The following TSHZ1 variants were observed in gnomAD, a reference collection of about 807,000 sequenced individuals.
TSHZ1 encodes the protein teashirt homolog 1.
Under a neutral mutation model 67.1 loss-of-function variants are expected in TSHZ1, and 12 were observed. The observed-to-expected ratio is 0.18, with a 90% confidence interval of 0.11 to 0.29. TSHZ1 has a LOEUF of 0.29. Among genes scored for constraint, TSHZ1 ranks in the 10% least tolerant of loss-of-function variants. The pLI is 1.00. For missense variants in TSHZ1, 1,305 were observed against 1,413.9 expected (o/e 0.92, Z 1.23); for synonymous variants, 632 against 622.4 (o/e 1.02, Z -0.23).
rs2023763233 is a variant in TSHZ1, at chr18:75,286,343, T to C, written c.936T>C (p.Cys312=). Residue 312 remains cysteine (C), a synonymous_variant, in exon 2 of 2, where the codon TGT becomes TGC. Transcript: ENST00000580243. The surrounding 1 kb of genome is among the most constrained non-coding windows in gnomAD (Gnocchi z 5.1). ...DAQKVLKCMY[C]GHSFESLQDL... is the part of the protein sequence containing the mutation. ...AGAAGGTGCTGAAGTGCATGTACTG[T>C]GGACACTCCTTTGAGTCCTTGCAGG... The C allele has an allele frequency of 6.2e-7, 1 of 1,613,978 alleles. No homozygotes were observed. Among genetic ancestry groups the C allele is most frequent in the African/African-American group, 1.3e-5 (1 of 74,904 alleles).
At chr18:75,246,146 GAA>G (rs1194457977) in intron 1 of TSHZ1, among the ~76,000 whole-genome samples, 1 of 152,220 alleles carries the variant, frequency 6.6e-6, no homozygotes, top group African/African-American at 2.4e-5. Context: ...ATTTTGAAAA[GAA>G]AGTCAAACAG....
At chr18:75,263,897 G>C (rs1030625666) in intron 1 of TSHZ1, among the ~76,000 whole-genome samples, 4 of 152,228 alleles carry the variant, frequency 2.6e-5, no homozygotes, top group African/African-American at 9.6e-5. Flanking sequence ...CATGATGCTA[G>C]CAACAGTCAG....
intron 1 of TSHZ1, among the ~76,000 whole-genome samples, chr18:75,225,908 G>A (rs2022919501): frequency 6.6e-6 from 1 of 152,096 alleles, no homozygotes; most frequent in South Asian, 2.1e-4. Context: ...ACTTTGCCCT[G>A]TTTTTGTGTA....
At chr18:75,230,326 G>A (rs1267646123) in intron 1 of TSHZ1, among the ~76,000 whole-genome samples, 1 of 152,124 alleles carries the variant, frequency 6.6e-6, no homozygotes, top group East Asian at 1.9e-4. Context: ...CAGAGCTGCC[G>A]TCCCTGCTGG....
intron 1 of TSHZ1, chr18:75,284,371 C>T (rs41404946): frequency 0.27 from 41,133 of 152,542 alleles, 6,212 homozygotes; most frequent in Middle Eastern, 0.34. Context: ...GAGCGTGGAC[C>T]GTTGGGCTTT....
chr18:75,253,624 T>A (rs754046346), intron 1 of TSHZ1, among the ~76,000 whole-genome samples: 1 of 152,242 alleles, frequency 6.6e-6, no homozygotes, highest in Non-Finnish European at 1.5e-5. Context: ...CTGTGAAGGC[T>A]GACTGTTTAA....
At chr18:75,256,937 A>G (rs1297051455) in intron 1 of TSHZ1, among the ~76,000 whole-genome samples, 7 of 152,168 alleles carry the variant, frequency 4.6e-5, no homozygotes, top group African/African-American at 1.7e-4. Context: ...CAGATGAAGT[A>G]TTTTTACTTA....
intron 1 of TSHZ1, among the ~76,000 whole-genome samples, chr18:75,216,224 A>G (rs938930712): frequency 1.3e-5 from 2 of 152,224 alleles, no homozygotes; most frequent in Non-Finnish European, 1.5e-5. Flanking sequence ...TCTCTTTAGC[A>G]TAACTGTTAG....
intron 1 of TSHZ1, among the ~76,000 whole-genome samples, chr18:75,212,545 G>A (rs1394914355): frequency 6.6e-6 from 1 of 152,118 alleles, no homozygotes; most frequent in Non-Finnish European, 1.5e-5. Context: ...CTTGTTTTCT[G>A]TTTTATTAGA....
intron 1 of TSHZ1, among the ~76,000 whole-genome samples, chr18:75,233,744 T>G (rs763365553): frequency 6.6e-6 from 1 of 152,180 alleles, no homozygotes; most frequent in African/African-American, 2.4e-5. Context: ...GACGTGGGGC[T>G]TCCTCACACT....
At chr18:75,222,731 C>T (rs1331638611) in intron 1 of TSHZ1, among the ~76,000 whole-genome samples, 10 of 152,172 alleles carry the variant, frequency 6.6e-5, no homozygotes, top group African/African-American at 2.2e-4. Flanking sequence ...CCCCTCCACC[C>T]CCCTATTTTT....
intron 1 of TSHZ1, among the ~76,000 whole-genome samples, chr18:75,262,416 G>A (rs774480768): frequency 3.3e-5 from 5 of 152,118 alleles, no homozygotes; most frequent in Non-Finnish European, 7.4e-5. Flanking sequence ...TATTCACCAA[G>A]TGTGTGCCAA....
At chr18:75,284,883 G>C (rs2023731382) in intron 1 of TSHZ1, 1 of 152,354 alleles carries the variant, frequency 6.6e-6, no homozygotes, top group African/African-American at 2.4e-5. Context: ...GCCCCATGCG[G>C]GTGGCGCTTT....
In TSHZ1 at chr18:75,285,890, C is replaced by T. The variant is rs143523598; in HGVS notation, c.483C>T (p.Pro161=). ...KESSAPTPTP[P]TCPVSTTGPT... is the part of the protein sequence containing the mutation. ...GCTCCGCCCCCACCCCCACACCCCC[C>T]ACCTGCCCCGTCAGCACCACTGGCC... Residue 161 remains proline, a synonymous_variant, in exon 2 of 2, where the codon CCC becomes CCT. Transcript: ENST00000580243. 6.4e-5 allele frequency: 98 copies of T among 1,542,212 alleles called. 1 individual carries two copies. The South Asian group carries it at 8.1e-4, about 13-fold the overall frequency.
intron 1 of TSHZ1, among the ~76,000 whole-genome samples, chr18:75,260,432 C>A (rs1209581925): frequency 6.6e-6 from 1 of 152,176 alleles, no homozygotes; most frequent in African/African-American, 2.4e-5. Flanking sequence ...ATCTTGTATT[C>A]CCCGCAGAAG....
chr18:75,246,474 C>T (rs1331311423), intron 1 of TSHZ1, among the ~76,000 whole-genome samples: 8 of 107,818 alleles, frequency 7.4e-5, no homozygotes, highest in Non-Finnish European at 1.4e-4. Context: ...TAGGTCATAT[C>T]CCTGTATCAG....
intron 1 of TSHZ1, among the ~76,000 whole-genome samples, chr18:75,237,446 C>A (rs1372400912): frequency 6.6e-6 from 1 of 152,098 alleles, no homozygotes; most frequent in Non-Finnish European, 1.5e-5. Context: ...CACTTGAGCC[C>A]ATAAAGTTGA....
chr18:75,287,645 G>A lies in TSHZ1; in HGVS notation c.2238G>A (p.Leu746=). 6.2e-7 allele frequency: 1 copy of A among 1,614,186 alleles called. No homozygotes were observed. The highest frequency in any genetic ancestry group is 8.5e-7 in the Non-Finnish European group (1 of 1,180,048). The change falls in exon 2 of 2, where the codon CTG becomes CTA. Residue 746 remains leucine, a synonymous_variant. Coordinates refer to ENST00000580243, the MANE Select transcript of TSHZ1 (RefSeq NM_001308210.2). The surrounding 1 kb of genome is among the most constrained non-coding windows in gnomAD (Gnocchi z 5.0). ...CGGAGCCTTCCTTCATCAACCCGCT[G>A]AGCGCTTTGCAGTCCATCATGAACA... ...HSPEPSFINP[L]SALQSIMNTH...
At chr18:75,212,064 G>A (rs1274777488) in intron 1 of TSHZ1, 148 bp downstream of exon 1, 1 of 534,932 alleles carries the variant, frequency 1.9e-6, no homozygotes, top group Non-Finnish European at 2.6e-6. Flanking sequence ...CAGTCGTCTG[G>A]AGGCTGCGGT....
Sources: gnomAD v4.1 joint callset for allele counts (sites outside exome capture counted in the v4.1 genomes callset) on GRCh38, gnomAD v4.1.1 for gene constraint, Gnocchi (gnomAD v3.1) non-coding constraint, MANE v1.5 for transcripts, NCBI Gene and HGNC (gene_info 2026-07-23, HGNC 2026-07-21) for gene names.